Variants in BPIFB1 observed in about 807,000 individuals in gnomAD.
The protein encoded by BPIFB1 is BPI fold-containing family B member 1.
Under a neutral mutation model 55.1 loss-of-function variants are expected in BPIFB1, and 34 were observed. That is an observed-to-expected ratio of 0.62 (90% CI 0.47 to 0.82). The LOEUF (loss-of-function observed/expected upper bound fraction) is 0.82. BPIFB1 is among the 40% of genes least tolerant of loss of function. BPIFB1 has a pLI of 0.00. For synonymous variants in BPIFB1, 236 were observed against 245.3 expected (o/e 0.96, Z 0.35); for missense variants, 532 against 593.1 (o/e 0.90, Z 1.07).
chr20:33,288,322 G>A (rs1369318219), intron 2 of BPIFB1, among the ~76,000 whole-genome samples: 2 of 152,188 alleles, frequency 1.3e-5, no homozygotes, highest in Admixed American at 6.5e-5. Flanking sequence ...ATAGGATATG[G>A]ATGCCAGACA....
intron 6 of BPIFB1, among the ~76,000 whole-genome samples, chr20:33,296,416 G>A (rs1232966416): frequency 6.6e-6 from 1 of 152,156 alleles, no homozygotes; most frequent in African/African-American, 2.4e-5. Flanking sequence ...GAGTATTAAG[G>A]GGTGGTCAAC....
At chr20:33,301,669 C>T (rs989295363) in intron 9 of BPIFB1, among the ~76,000 whole-genome samples, 2 of 152,196 alleles carry the variant, frequency 1.3e-5, no homozygotes, top group Admixed American at 1.3e-4. Flanking sequence ...CTCGTGAAAT[C>T]AAAAGGCATC....
At chr20:33,300,590 T>G (rs61372035) in intron 8 of BPIFB1, among the ~76,000 whole-genome samples, 2,195 of 152,174 alleles carry the variant, frequency 0.014, 41 homozygotes, top group African/African-American at 0.051. Context: ...TAGGTTTCTT[T>G]TGTTTTGTTT....
chr20:33,286,176 G>C lies in BPIFB1; in HGVS notation c.103G>C (p.Val35Leu). Residue 35 changes from valine (V) to leucine (L), a missense_variant, in exon 2 of 16, where the codon GTC becomes CTC. Coordinates refer to ENST00000253354, the MANE Select transcript of BPIFB1 (RefSeq NM_033197.3). ...TGCAGTTCTCATCCTCGGCCCAAAA[G>C]TCATCAAAGAAAGTAAGTTTTGTCC... ...PTAVLILGPK[V>L]IKEKLTQELK... The C allele has an allele frequency of 6.2e-7, 1 of 1,614,150 alleles. No homozygotes were observed. The highest frequency in any genetic ancestry group is 8.5e-7 in the Non-Finnish European group (1 of 1,180,006).
Position 33,305,987 on chromosome 20 carries a change from T to TTC in BPIFB1, c.1255-6_1255-5dup, listed in dbSNP as rs372399478. On this transcript the variant is annotated splice_polypyrimidine_tract_variant and intron_variant, in intron 13 of 15. Coordinates refer to ENST00000253354, the MANE Select transcript of BPIFB1 (RefSeq NM_033197.3). ...TGCTCAACCAGGGTGACAGTGCCCCTTCTCTCTCTCACAGCCTGATGTTCT... is the reference window on the plus strand; with the variant it reads ...TGCTCAACCAGGGTGACAGTGCCCCTTCTCTCTCTCTCACAGCCTGATGTTCT... 1.9e-6 allele frequency: 3 copies of TTC among 1,613,836 alleles called. No homozygotes were observed. The highest frequency in any genetic ancestry group is 1.6e-4 in the Middle Eastern group (1 of 6,062).
chr20:33,303,829 G>A, intron 11 of BPIFB1, 129 bp from the exon 12 acceptor site: 1 of 852,300 alleles, frequency 1.2e-6, no homozygotes, highest in South Asian at 1.4e-5. Flanking sequence ...GGCCCAGAGA[G>A]GTCAAACCCT....
chr20:33,296,889 C>A (rs964061088), intron 6 of BPIFB1, among the ~76,000 whole-genome samples: 7 of 152,208 alleles, frequency 4.6e-5, no homozygotes, highest in Non-Finnish European at 7.3e-5. Flanking sequence ...AACTCAGTAG[C>A]AACTTGCTGT....
intron 6 of BPIFB1, 149 bp downstream of exon 6, chr20:33,292,137 G>T: frequency 1.3e-6 from 1 of 752,306 alleles, no homozygotes; most frequent in South Asian, 1.7e-5. Flanking sequence ...AAGAGTCATG[G>T]AGTGGGGTGG....
At chr20:33,306,162 C>T (rs982615776) in intron 14 of BPIFB1, 97 bp downstream of exon 14, 2 of 1,270,290 alleles carry the variant, frequency 1.6e-6, no homozygotes. Context: ...TCATTCATCT[C>T]CCAGCCATCC....
rs570000072 is a variant in BPIFB1, at chr20:33,290,003, C to T, written c.365+11C>T. 8 of 1,606,658 alleles carry T rather than the reference C, an allele frequency of 5.0e-6. No homozygotes were observed. The highest frequency in any genetic ancestry group is 2.2e-5 in the South Asian group (2 of 90,920). ...GGCTGGATTCAACACGTGAGTGACC[C>T]CTCCATCAAGTACAGTAGGCTTGAC... On this transcript the variant is annotated intron_variant, in intron 4 of 15. Transcript: ENST00000253354.
chr20:33,304,705 C>T lies in BPIFB1; in HGVS notation c.1209-141C>T, dbSNP rs77162584. ...CCCTGCCATTAGAATGCAAGCTCCA[C>T]GACGCAAGGGCTTCATGTGGTTCAC... On this transcript the variant is annotated intron_variant, in intron 12 of 15. Coordinates refer to ENST00000253354, the MANE Select transcript of BPIFB1 (RefSeq NM_033197.3). 3,986 of 939,492 alleles carry T rather than the reference C, an allele frequency of 4.2e-3. 100 individuals are homozygous for T. The African/African-American group carries it at 0.058, about 14-fold the overall frequency. 58.2% of individuals were successfully genotyped at this position (939,492 alleles called of 1,614,324 possible). A position where few individuals can be genotyped will look rare whatever the true frequency, so the allele number is the denominator to read the frequency against.
chr20:33,290,070 A>T, intron 4 of BPIFB1, 78 bp downstream of exon 4: 2 of 1,126,638 alleles, frequency 1.8e-6, no homozygotes, highest in Admixed American at 3.7e-5. Flanking sequence ...CCCACCATGC[A>T]GGTGTCTGGA....
chr20:33,306,160 C>A (rs1600670545), intron 14 of BPIFB1, 95 bp downstream of exon 14: 1 of 1,302,722 alleles, frequency 7.7e-7, no homozygotes, highest in East Asian at 2.3e-5. Context: ...TTTCATTCAT[C>A]TCCCAGCCAT....
chr20:33,289,909 C>T lies in BPIFB1; in HGVS notation c.282C>T (p.Ile94=), dbSNP rs772174224. The change falls in exon 4 of 16, where the codon ATC becomes ATT. Residue 94 remains isoleucine (I), a synonymous_variant. Transcript: ENST00000253354. ...GGCTGAAGGTCATCACAGCTAACAT[C>T]CTCCAGCTGCAGGTGAAGCCCTCGG... The part of the protein sequence containing the change: ...IIWLKVITAN[I]LQLQVKPSAN... The T allele has an allele frequency of 1.2e-6, 2 of 1,614,222 alleles. No homozygotes were observed. Among genetic ancestry groups the T allele is most frequent in the South Asian group, 2.2e-5 (2 of 91,082 alleles).
At chr20:33,300,073 G>C (rs1476070737) in intron 8 of BPIFB1, 89 bp downstream of exon 8, 1 of 1,177,636 alleles carries the variant, frequency 8.5e-7, no homozygotes, top group South Asian at 1.2e-5. Context: ...CCTGTGTTAG[G>C]AGAGAAAATC....
intron 1 of BPIFB1, among the ~76,000 whole-genome samples, chr20:33,285,161 T>C (rs1228666242): frequency 6.6e-6 from 1 of 151,946 alleles, no homozygotes; most frequent in Non-Finnish European, 1.5e-5. Context: ...TAGGAGTTCA[T>C]CAGGGAGATA....
rs140281468 is a variant in BPIFB1, at chr20:33,302,395, G to A, written c.964G>A (p.Gly322Arg). The change falls in exon 10 of 16, where the codon GGG (glycine) becomes AGG (arginine). Residue 322 changes from glycine to arginine, a missense_variant. Coordinates refer to ENST00000253354, the MANE Select transcript of BPIFB1 (RefSeq NM_033197.3). ...ESAHRLKSSI[G>R]LINEKAADKL... is the part of the protein sequence containing the mutation. Reference sequence around the variant, plus strand: ...TGCCCATCGGCTGAAGTCAAGCATCGGGCTGATCAATGAAAAGGTTGGTCT... The same window carrying A: ...TGCCCATCGGCTGAAGTCAAGCATCAGGCTGATCAATGAAAAGGTTGGTCT... 4.2e-5 allele frequency: 67 copies of A among 1,613,844 alleles called. No individual in the cohort carries two copies. The African/African-American group carries it at 5.6e-4, about 13-fold the overall frequency.
At chr20:33,308,684 A>G (rs909281374) in intron 15 of BPIFB1, among the ~76,000 whole-genome samples, 1 of 147,580 alleles carries the variant, frequency 6.8e-6, no homozygotes, top group Non-Finnish European at 1.5e-5. Context: ...ACCTTTATAC[A>G]CATACATACA....
intron 13 of BPIFB1, among the ~76,000 whole-genome samples, chr20:33,305,389 CT>C (rs1025233636): frequency 7.2e-6 from 1 of 138,766 alleles, no homozygotes; most frequent in African/African-American, 2.7e-5. Context: ...GTGATCTTGG[CT>C]CACTGCAACC....
Sources: allele counts gnomAD v4.1 joint callset (sites outside exome capture counted in the v4.1 genomes callset), GRCh38; gene constraint gnomAD v4.1.1; transcripts MANE v1.5; gene names NCBI Gene and HGNC (gene_info 2026-07-23, HGNC 2026-07-21).